The following MRPS18A variants were observed in gnomAD, a reference collection of about 807,000 sequenced individuals.
MRPS18A encodes the protein mitochondrial ribosomal protein S18A.
MRPS18A carries 20 observed loss-of-function variants against 22.7 expected under a neutral mutation model. The ratio of observed to expected loss-of-function variants is 0.88; its 90% CI spans 0.62 to 1.28. MRPS18A has a LOEUF of 1.28. MRPS18A is among the 50% of genes most tolerant of loss of function. The probability of loss-of-function intolerance (pLI) is 0.00; values close to 1 mark genes in which losing one functional copy is unlikely to be tolerated. For missense variants in MRPS18A, 294 were observed against 262.6 expected, an observed-to-expected ratio of 1.12 and a Z score of -0.83; for synonymous variants, 106 against 99.1, an observed-to-expected ratio of 1.07 and a Z score of -0.41.
intron 1 of MRPS18A, among the ~76,000 whole-genome samples, chr6:43,682,859 A>G (rs1774492387): frequency 6.6e-6 from 1 of 152,216 alleles, no homozygotes; most frequent in African/African-American, 2.4e-5. Context: ...TAGGGGTTCC[A>G]GGCACCCTGC....
chr6:43,687,576 A>C (rs1384765134), intron 1 of MRPS18A, 92 bp downstream of exon 1: 3 of 1,153,566 alleles, frequency 2.6e-6, no homozygotes, highest in Non-Finnish European at 3.7e-6. Context: ...GAATCGGACG[A>C]AGGAAAGGTA....
rs1165076399 is a variant in MRPS18A at position 43,671,822 on chromosome 6, C to A, written c.531G>T (p.Gly177=). The A allele has an allele frequency of 2.4e-5, 38 of 1,614,086 alleles. No homozygotes were observed. Among genetic ancestry groups the A allele is most frequent in the Non-Finnish European group, 3.1e-5 (37 of 1,180,044 alleles). ...PRWNRVRMPV[G]SPLLRDNVCY... ...AGACATTGTCCCTCAGAAGGGGTGA[C>A]CCCACGGGCATGCGCACCCTGTTCC... is the stretch of plus-strand genomic sequence containing the variant. Residue 177 remains glycine (G), a synonymous_variant, in exon 6 of 6, where the codon GGG becomes GGT. Coordinates refer to ENST00000372133, the MANE Select transcript of MRPS18A (RefSeq NM_018135.4).
Position 43,671,828 on chromosome 6 carries a change from G to C in MRPS18A, c.525C>G (p.Pro175=). 1 of 1,614,184 alleles carries C rather than the reference G, an allele frequency of 6.2e-7. No individual in the cohort carries two copies. Among genetic ancestry groups the C allele is most frequent in the Non-Finnish European group, 8.5e-7 (1 of 1,180,028 alleles). Residue 175 remains proline, a synonymous_variant, in exon 6 of 6, where the codon CCC becomes CCG. Coordinates refer to ENST00000372133, the MANE Select transcript of MRPS18A (RefSeq NM_018135.4). ...TGTCCCTCAGAAGGGGTGACCCCAC[G>C]GGCATGCGCACCCTGTTCCAGCGGG... The part of the protein sequence containing the change: ...KGPRWNRVRM[P]VGSPLLRDNV...
chr6:43,676,737 T>C (rs1349756690), intron 3 of MRPS18A, among the ~76,000 whole-genome samples: 1 of 152,264 alleles, frequency 6.6e-6, no homozygotes, highest in Admixed American at 6.5e-5. Flanking sequence ...GGGCCTGGCA[T>C]GCCAATCTTA....
Position 43,675,287 on chromosome 6 carries a change from GAGGGGATAGTCTTTGC to G in MRPS18A, c.377-32_377-17del, listed in dbSNP as rs1773989759. 1 of 1,536,378 alleles carries G rather than the reference GAGGGGATAGTCTTTGC, an allele frequency of 6.5e-7. No individual in the cohort carries two copies. The highest frequency in any genetic ancestry group is 8.8e-7 in the Non-Finnish European group (1 of 1,141,198). ...GGTAATAGACCTGAGTGGCGGGGAA[GAGGGGATAGTCTTTGC>G]AGCTCCCTCTGCAGCTCTGAGGGGG... is the stretch of plus-strand genomic sequence containing the variant. On this transcript the variant is annotated splice_polypyrimidine_tract_variant and intron_variant, in intron 4 of 5. Transcript: ENST00000372133.
chr6:43,671,462 T>C lies in MRPS18A; in HGVS notation c.*300A>G, dbSNP rs1773691721. ...AGCGCACACCCAATGGGTAAGCCCATGAACCCAGTTTATGACACTGCGTTG... is the reference window on the plus strand; with the variant it reads ...AGCGCACACCCAATGGGTAAGCCCACGAACCCAGTTTATGACACTGCGTTG... On this transcript the variant is annotated 3_prime_UTR_variant, in exon 6 of 6. Transcript: ENST00000372133. 8.4e-6 allele frequency: 4 copies of C among 476,680 alleles called. No individual in the cohort carries two copies. Among genetic ancestry groups the C allele is most frequent in the Admixed American group, 3.6e-5 (1 of 27,558 alleles). 29.5% of individuals were successfully genotyped at this position (476,680 alleles called of 1,614,324 possible).
intron 3 of MRPS18A, among the ~76,000 whole-genome samples, chr6:43,677,631 G>T (rs1774130780): frequency 6.6e-6 from 1 of 152,148 alleles, no homozygotes. Context: ...AGGAGCATGG[G>T]ATCTGCCTGG....
chr6:43,680,143 A>G (rs542792297), intron 2 of MRPS18A, among the ~76,000 whole-genome samples: 9 of 152,304 alleles, frequency 5.9e-5, no homozygotes, highest in African/African-American at 1.9e-4. Flanking sequence ...CTTTATACTC[A>G]AAAGTCAGAT....
At chr6:43,676,817 A>C (rs1425649277) in intron 3 of MRPS18A, among the ~76,000 whole-genome samples, 2 of 152,238 alleles carry the variant, frequency 1.3e-5, no homozygotes, top group Non-Finnish European at 2.9e-5. Flanking sequence ...GATTTGTTTT[A>C]ATCACTGGAC....
chr6:43,674,102 C>T (rs1253893511), intron 5 of MRPS18A, among the ~76,000 whole-genome samples: 3 of 152,180 alleles, frequency 2.0e-5, no homozygotes, highest in Non-Finnish European at 4.4e-5. Context: ...GTGGGGGGCA[C>T]AGGTAGAGAT....
At chr6:43,675,345 A>G (rs773987131) in intron 4 of MRPS18A, 74 bp from the exon 5 acceptor site, 1 of 1,580,360 alleles carries the variant, frequency 6.3e-7, no homozygotes, top group Non-Finnish European at 8.6e-7. Context: ...GGAAAGCCCA[A>G]GGGAGCGGGA....
chr6:43,686,841 T>C (rs1233060235), intron 1 of MRPS18A, among the ~76,000 whole-genome samples: 1 of 152,244 alleles, frequency 6.6e-6, no homozygotes, highest in Non-Finnish European at 1.5e-5. Flanking sequence ...CCAGATTCCA[T>C]CCTTTTGTGA....
chr6:43,686,081 G>A lies in MRPS18A; in HGVS notation c.112+1587C>T, dbSNP rs900088567. 1.5e-4 allele frequency among the ~76,000 whole-genome samples: 23 copies of A among 152,160 alleles called. 1 individual carries two copies. The highest frequency in any genetic ancestry group is 5.6e-4 in the African/African-American group (23 of 41,436). The stretch of plus-strand genomic sequence containing the variant: ...GGCCTTCCAAAGTGCTGGGATTAAA[G>A]ATATGTACCACTGTACCTGGCTTAC... On this transcript the variant is annotated intron_variant, in intron 1 of 5. Transcript: ENST00000372133.
At chr6:43,682,302 T>C (rs1201712076) in intron 1 of MRPS18A, among the ~76,000 whole-genome samples, 2 of 151,934 alleles carry the variant, frequency 1.3e-5, no homozygotes, top group East Asian at 3.9e-4. Flanking sequence ...CCATCTCAAA[T>C]AAACAAACAA....
Position 43,678,527 on chromosome 6 carries a change from A to G in MRPS18A, c.243T>C (p.Tyr81=), listed in dbSNP as rs759939344. Residue 81 remains tyrosine, a synonymous_variant, in exon 3 of 6, where the codon TAT becomes TAC. Transcript: ENST00000372133. ...CTGTACCCAGACTCACGTCATAGTT[A>G]TACTTGTGCTTCAGGTTCCAACGGC... ...PICRWNLKHK[Y]NYDDVLLLSQ... 5.6e-6 allele frequency: 9 copies of G among 1,609,848 alleles called. No individual in the cohort carries two copies. Among genetic ancestry groups the G allele is most frequent in the Non-Finnish European group, 7.7e-6 (9 of 1,176,316 alleles).
chr6:43,675,565 CG>C lies in MRPS18A; in HGVS notation c.304del (p.Arg102GlufsTer18). 1 of 1,613,930 alleles carries C rather than the reference CG, an allele frequency of 6.2e-7. No individual in the cohort carries two copies. Reference sequence around the variant, plus strand: ...TTCCTGGCATAGGCCTGTGATCTTTCGGGGCAGCATGCCTCCATGAGGCCGG... The same window carrying C: ...TTCCTGGCATAGGCCTGTGATCTTTCGGGCAGCATGCCTCCATGAGGCCGG... ...FIRPHGGMLP[R>X]KITGLCQEEH... is the part of the protein sequence containing the mutation. On this transcript the variant is annotated frameshift_variant, in exon 4 of 6. Transcript: ENST00000372133. LOFTEE classifies it high-confidence loss of function.
chr6:43,685,441 G>A (rs1774644724), intron 1 of MRPS18A, among the ~76,000 whole-genome samples: 1 of 152,158 alleles, frequency 6.6e-6, no homozygotes, highest in Admixed American at 6.5e-5. Flanking sequence ...TGTGCATTAT[G>A]TTTAGCAGCG....
intron 1 of MRPS18A, among the ~76,000 whole-genome samples, chr6:43,684,761 T>C (rs1022971587): frequency 1.3e-5 from 2 of 152,226 alleles, no homozygotes; most frequent in Non-Finnish European, 2.9e-5. Flanking sequence ...TAACTGACTG[T>C]GAAAGAGATG....
chr6:43,672,383 C>T (rs1321723398), intron 5 of MRPS18A: 1 of 471,734 alleles, frequency 2.1e-6, no homozygotes, highest in South Asian at 1.5e-5. Flanking sequence ...GCCCCTCACC[C>T]AACCTGTGAT....
Sources: gnomAD v4.1 joint callset for allele counts (sites outside exome capture counted in the v4.1 genomes callset) on GRCh38, gnomAD v4.1.1 for gene constraint, MANE v1.5 for transcripts, NCBI Gene and HGNC (gene_info 2026-07-23, HGNC 2026-07-21) for gene names.